Variants in THSD7A observed in about 807,000 individuals in gnomAD.
The protein encoded by THSD7A is thrombospondin type-1 domain-containing protein 7A.
Under a neutral mutation model 231.3 loss-of-function variants are expected in THSD7A, and 96 were observed. The observed-to-expected ratio is 0.41, with a 90% confidence interval of 0.35 to 0.49. The LOEUF is 0.49. Ranked by LOEUF, THSD7A falls within the 20% of genes least tolerant of loss-of-function variation. The pLI, the probability that THSD7A is intolerant of heterozygous loss-of-function variation, is 0.05. For synonymous variants in THSD7A, 940 were observed against 743.3 expected (o/e 1.26, Z -4.30); for missense variants, 2,290 against 2,070.2 (o/e 1.11, Z -2.06).
intron 23 of THSD7A, among the ~76,000 whole-genome samples, chr7:11,393,661 A>G (rs1302498816): frequency 6.6e-6 from 1 of 152,278 alleles, no homozygotes; most frequent in Non-Finnish European, 1.5e-5. Context: ...CAGTTTAGAT[A>G]ACAGCATAAA....
At chr7:11,621,187 G>A (rs1781297275) in intron 2 of THSD7A, among the ~76,000 whole-genome samples, 1 of 152,132 alleles carries the variant, frequency 6.6e-6, no homozygotes, top group South Asian at 2.1e-4. Context: ...CAGAGAACAT[G>A]CATCATTCAT....
intron 1 of THSD7A, among the ~76,000 whole-genome samples, chr7:11,657,854 G>C (rs946350944): frequency 2.0e-5 from 3 of 151,762 alleles, no homozygotes; most frequent in Admixed American, 2.0e-4. Context: ...AGAATGAGCA[G>C]AAGGTAGCTG....
At position 11,812,689 on chromosome 7, in the gene THSD7A, T is replaced by C. The variant is rs143337128; in HGVS notation, c.190+19068A>G. ...TACCATATAATGCTAATTTAAGTCT[T>C]GGAGACTTATTCTTCACATAACTGG... On this transcript the variant is annotated intron_variant, in intron 1 of 27. Transcript: ENST00000423059. Among the ~76,000 whole-genome samples, 1,007 of 152,328 alleles carry C rather than the reference T, an allele frequency of 6.6e-3. 6 individuals carry two copies. The highest frequency in any genetic ancestry group is 0.023 in the African/African-American group (950 of 41,582).
Position 11,831,166 on chromosome 7 carries a change from G to C in THSD7A, c.190+591C>G, listed in dbSNP as rs143766558. ...GGAAGGAAGAGAAAGTTTGAACCCA[G>C]ACATCCTAAAAGTTGTACACTTTAA... On this transcript the variant is annotated intron_variant, in intron 1 of 27. Coordinates refer to ENST00000423059, the MANE Select transcript of THSD7A (RefSeq NM_015204.3). The surrounding 1 kb of genome is among the most constrained non-coding windows in gnomAD (Gnocchi z 5.0). Among the ~76,000 whole-genome samples the C allele has an allele frequency of 7.2e-4, 109 of 152,290 alleles. No homozygotes were observed. Among genetic ancestry groups the C allele is most frequent in the African/African-American group, 2.5e-3 (103 of 41,566 alleles).
chr7:11,496,479 G>T (rs1292217124), intron 6 of THSD7A, among the ~76,000 whole-genome samples: 1 of 152,122 alleles, frequency 6.6e-6, no homozygotes, highest in Admixed American at 6.6e-5. Flanking sequence ...GATGGAGTTG[G>T]AGATTCAGTG....
chr7:11,778,129 C>T, intron 1 of THSD7A, among the ~76,000 whole-genome samples: 2 of 114,122 alleles, frequency 1.8e-5, no homozygotes, highest in Admixed American at 1.1e-4. Flanking sequence ...TGCACTCCAG[C>T]CTGGGCGACA....
chr7:11,542,883 C>T, intron 5 of THSD7A, 79 bp downstream of exon 5: 1 of 1,462,634 alleles, frequency 6.8e-7, no homozygotes, highest in Non-Finnish European at 9.2e-7. Context: ...ACAAGGAACA[C>T]AGAAGAGCAT....
chr7:11,531,551 G>A (rs1788710761), intron 6 of THSD7A, among the ~76,000 whole-genome samples: 1 of 152,168 alleles, frequency 6.6e-6, no homozygotes, highest in Non-Finnish European at 1.5e-5. Flanking sequence ...TCTGGGTCTT[G>A]CATTTAATGT....
At chr7:11,571,964 T>C (rs1790654307) in intron 4 of THSD7A, among the ~76,000 whole-genome samples, 1 of 152,184 alleles carries the variant, frequency 6.6e-6, no homozygotes, top group Admixed American at 6.5e-5. Context: ...TTTGAGATTT[T>C]TTTTTTGGCC....
At chr7:11,429,209 G>T in intron 13 of THSD7A, 84 bp from the exon 14 acceptor site, 1 of 1,348,788 alleles carries the variant, frequency 7.4e-7, no homozygotes, top group Non-Finnish European at 9.9e-7. Flanking sequence ...TCATTTAGAA[G>T]GTCCAAGACT....
At chr7:11,455,602 TC>T (rs1785282946) in intron 11 of THSD7A, among the ~76,000 whole-genome samples, 1 of 152,204 alleles carries the variant, frequency 6.6e-6, no homozygotes, top group South Asian at 2.1e-4. Context: ...ATATAAATTT[TC>T]TTTTAAAGTA....
chr7:11,706,730 T>C (rs1780782375), intron 1 of THSD7A, among the ~76,000 whole-genome samples: 1 of 143,594 alleles, frequency 7.0e-6, no homozygotes, highest in African/African-American at 2.5e-5. Context: ...GTTGAACTAA[T>C]AGAAAATAGA....
At chr7:11,536,639 AG>A (rs1342591376) in intron 6 of THSD7A, among the ~76,000 whole-genome samples, 30 of 152,150 alleles carry the variant, frequency 2.0e-4, no homozygotes, top group African/African-American at 7.0e-4. Context: ...TAGGAGCTCA[AG>A]ACCCTTTCTC....
chr7:11,684,419 T>C (rs1316546743), intron 1 of THSD7A, among the ~76,000 whole-genome samples: 2 of 140,946 alleles, frequency 1.4e-5, no homozygotes, highest in Non-Finnish European at 3.1e-5. Flanking sequence ...GACATTGAAA[T>C]AGAAAAAAAA....
rs1562541047 is a variant in THSD7A at position 11,769,117 on chromosome 7, C to CCA, written c.190+62639_190+62640insTG. Among the ~76,000 whole-genome samples, 81 of 82,592 alleles carry CCA rather than the reference C, an allele frequency of 9.8e-4. 1 individual carries two copies. The highest frequency in any genetic ancestry group is 1.2e-3 in the Non-Finnish European group (52 of 44,842). The allele number at this position is 82,592 out of a possible 152,430, so 54.2% of individuals were successfully genotyped here. On this transcript the variant is annotated intron_variant, in intron 1 of 27. Coordinates refer to ENST00000423059, the MANE Select transcript of THSD7A (RefSeq NM_015204.3). ...CGATTACAGGCACCTGCCATAATTC[C>CCA]TGGCAATATATATATATATATATAT... is the stretch of plus-strand genomic sequence containing the variant.
intron 13 of THSD7A, among the ~76,000 whole-genome samples, chr7:11,434,798 G>A (rs966057130): frequency 2.0e-5 from 3 of 151,602 alleles, no homozygotes; most frequent in Non-Finnish European, 2.9e-5. Context: ...CTTTCCAAAC[G>A]GACAATATTC....
chr7:11,786,160 T>C (rs745820396), intron 1 of THSD7A, among the ~76,000 whole-genome samples: 8 of 150,990 alleles, frequency 5.3e-5, no homozygotes, highest in African/African-American at 7.4e-5. Flanking sequence ...TAATTCTTTA[T>C]AGTAACTGCT....
chr7:11,771,498 G>T (rs533871142), intron 1 of THSD7A, among the ~76,000 whole-genome samples: 1 of 151,898 alleles, frequency 6.6e-6, no homozygotes, highest in African/African-American at 2.4e-5. Context: ...GTAACCATCA[G>T]ATAACAATCT....
At chr7:11,521,598 G>A (rs1788269233) in intron 6 of THSD7A, among the ~76,000 whole-genome samples, 1 of 143,026 alleles carries the variant, frequency 7.0e-6, no homozygotes, top group South Asian at 2.2e-4. Flanking sequence ...CCACTAACGT[G>A]TCAGTTACAT....
Sources: allele counts gnomAD v4.1 joint callset (sites outside exome capture counted in the v4.1 genomes callset), GRCh38; gene constraint gnomAD v4.1.1; non-coding constraint Gnocchi (gnomAD v3.1); transcripts MANE v1.5; gene names NCBI Gene and HGNC (gene_info 2026-07-23, HGNC 2026-07-21).